The following SPG11 variants were observed in gnomAD, a reference collection of about 807,000 sequenced individuals.
The protein encoded by SPG11 is spatacsin.
A neutral mutation model predicts 274.0 loss-of-function variants in SPG11; 222 were observed. The ratio of observed to expected loss-of-function variants is 0.81; its 90% CI spans 0.73 to 0.91. SPG11 has a LOEUF of 0.91. Among genes scored for constraint, SPG11 ranks in the 40% least tolerant of loss-of-function variants. SPG11 has a pLI of 0.00. For synonymous variants in SPG11, 1,144 were observed against 1,039.7 expected (o/e 1.10, Z -1.93); for missense variants, 3,114 against 2,872.7 (o/e 1.08, Z -1.92).
At chr15:44,641,632 CAA>C (rs1555458677) in intron 7 of SPG11, among the ~76,000 whole-genome samples, 5 of 146,516 alleles carry the variant, frequency 3.4e-5, no homozygotes, top group Non-Finnish European at 7.5e-5. Flanking sequence ...CACACACACA[CAA>C]AACCTTAATC....
At chr15:44,620,156 T>C (rs760764699) in intron 15 of SPG11, 34 bp downstream of exon 15, 5 of 1,516,858 alleles carry the variant, frequency 3.3e-6, no homozygotes, top group Non-Finnish European at 4.6e-6. Flanking sequence ...CCTTGTATTC[T>C]TCCCATTGGG....
intron 32 of SPG11, among the ~76,000 whole-genome samples, 160 bp from the exon 33 acceptor site, chr15:44,572,980 C>CGTTTT (rs1256111244): frequency 1.2e-4 from 10 of 83,294 alleles, no homozygotes; most frequent in African/African-American, 5.1e-4. Flanking sequence ...GACAGGAGTT[C>CGTTTT]TTTTTTTTTT....
intron 18 of SPG11, among the ~76,000 whole-genome samples, chr15:44,609,890 A>T (rs1289903823): frequency 1.4e-5 from 2 of 144,522 alleles, no homozygotes; most frequent in Non-Finnish European, 3.0e-5. Context: ...CACCATGCCC[A>T]GCTAATTTTT....
chr15:44,636,925 C>CAAAAAAAAAAAAACAAAAAAAAAA (rs2084275682), intron 7 of SPG11, among the ~76,000 whole-genome samples: 4 of 19,454 alleles, frequency 2.1e-4, no homozygotes, highest in African/African-American at 3.1e-4. Context: ...GACTCCATCT[C>CAAAAAAAAAAAAACAAAAAAAAAA]AAAAAAAAAA....
intron 19 of SPG11, among the ~76,000 whole-genome samples, chr15:44,606,340 C>T (rs995873627): frequency 1.3e-5 from 2 of 152,106 alleles, no homozygotes; most frequent in Non-Finnish European, 2.9e-5. Flanking sequence ...ACTATGTCCG[C>T]AAAGGCTATA....
Position 44,570,686 on chromosome 15 carries a change from G to A in SPG11, c.6344-28C>T, listed in dbSNP as rs199934817. The stretch of plus-strand genomic sequence containing the variant: ...GGGAGGGTGGGCACTGGTAAGATAA[G>A]ATTATGAACCCTGGCTGCCCACTGT... On this transcript the variant is annotated intron_variant, in intron 33 of 39. Coordinates refer to ENST00000261866, the MANE Select transcript of SPG11 (RefSeq NM_025137.4). 9.3e-4 allele frequency: 1,501 copies of A among 1,610,984 alleles called. 5 individuals are homozygous for A. Among genetic ancestry groups the A allele is most frequent in the Admixed American group, 9.2e-3 (549 of 59,522 alleles).
intron 37 of SPG11, 95 bp from the exon 38 acceptor site, chr15:44,566,104 G>A: frequency 6.3e-7 from 1 of 1,590,948 alleles, no homozygotes; most frequent in Non-Finnish European, 8.6e-7. Context: ...TCTGTTCCTG[G>A]TTGGCCTATG....
At chr15:44,580,135 A>G (rs1032900778) in intron 30 of SPG11, among the ~76,000 whole-genome samples, 1 of 152,188 alleles carries the variant, frequency 6.6e-6, no homozygotes, top group African/African-American at 2.4e-5. Flanking sequence ...AAAAATCTTT[A>G]TATCATATTT....
At chr15:44,644,159 T>C (rs903262477) in intron 7 of SPG11, among the ~76,000 whole-genome samples, 1 of 136,864 alleles carries the variant, frequency 7.3e-6, no homozygotes, top group Admixed American at 7.6e-5. Flanking sequence ...AGAGCAAGAC[T>C]CCATCTCAAA....
At chr15:44,643,818 G>A (rs964038091) in intron 7 of SPG11, among the ~76,000 whole-genome samples, 1 of 152,048 alleles carries the variant, frequency 6.6e-6, no homozygotes, top group Non-Finnish European at 1.5e-5. Context: ...AAACCTGGCA[G>A]AGACGCAATG....
intron 26 of SPG11, among the ~76,000 whole-genome samples, chr15:44,594,129 TAA>T (rs975808518): frequency 3.3e-5 from 5 of 151,122 alleles, no homozygotes; most frequent in African/African-American, 1.2e-4. Flanking sequence ...AAATAATGTA[TAA>T]AAAGCACCCT....
rs765618841 is a variant in SPG11 at position 44,585,821 on chromosome 15, A to G, written c.4936T>C (p.Cys1646Arg). ...ATGGATGTATCCTTCAAAATCTGGC[A>G]AAGGATGCAAAGCTTTTTCACATCT... ...GPDVKKLCIL[C>R]QILKDTSIAI... The change falls in exon 29 of 40, where the codon TGC becomes CGC. Residue 1646 changes from cysteine (C) to arginine (R), a missense_variant. Cys to Arg is a radical substitution (Grantham distance 180). Transcript: ENST00000261866. 1 of 1,614,002 alleles carries G rather than the reference A, an allele frequency of 6.2e-7. No homozygotes were observed. Among genetic ancestry groups the G allele is most frequent in the East Asian group, 2.2e-5 (1 of 44,882 alleles).
chr15:44,594,401 G>T (rs1442482709), intron 26 of SPG11, among the ~76,000 whole-genome samples: 2 of 151,812 alleles, frequency 1.3e-5, no homozygotes, highest in Non-Finnish European at 2.9e-5. Flanking sequence ...ACTCCAGCCT[G>T]AGTGACAGAG....
At position 44,621,898 on chromosome 15, in the gene SPG11, C is replaced by A. The variant is rs148564309; in HGVS notation, c.2481G>T (p.Lys827Asn). The A allele has an allele frequency of 1.2e-6, 2 of 1,613,346 alleles. No homozygotes were observed. The highest frequency in any genetic ancestry group is 1.1e-5 in the South Asian group (1 of 91,020). ...WIKEQDFFKH[K>N]SVLDSFLKYD... ...ATTTCAGGAATGAGTCCAAAACAGA[C>A]TTGTGCTTGAAAAAATCTTGTTCCT... Residue 827 changes from lysine to asparagine, a missense_variant, in exon 14 of 40, where the codon AAG becomes AAT. Lys to Asn is a moderately conservative substitution (Grantham distance 94). Coordinates refer to ENST00000261866, the MANE Select transcript of SPG11 (RefSeq NM_025137.4).
At chr15:44,657,006 G>C in intron 4 of SPG11, 89 bp downstream of exon 4, 4 of 1,145,156 alleles carry the variant, frequency 3.5e-6, no homozygotes, top group Non-Finnish European at 5.0e-6. Flanking sequence ...AGAAACACTA[G>C]TTAAAAAAAA....
chr15:44,629,439 T>G, intron 8 of SPG11, 51 bp from the exon 9 acceptor site: 1 of 1,536,166 alleles, frequency 6.5e-7, no homozygotes, highest in South Asian at 1.1e-5. Context: ...ATACTCACAA[T>G]AAAATTAACA....
intron 7 of SPG11, among the ~76,000 whole-genome samples, chr15:44,647,597 G>C (rs1595921773): frequency 6.6e-6 from 1 of 152,170 alleles, no homozygotes; most frequent in African/African-American, 2.4e-5. Context: ...AAGGAATGAA[G>C]TTGTAGTGAC....
chr15:44,590,748 C>T (rs1026211250), intron 27 of SPG11: 3 of 152,082 alleles, frequency 2.0e-5, no homozygotes, highest in Admixed American at 6.6e-5. Context: ...ACTTAACTGC[C>T]GGGTTTCAAA....
intron 1 of SPG11, among the ~76,000 whole-genome samples, chr15:44,661,579 GT>G (rs1451413370): frequency 6.6e-6 from 1 of 151,642 alleles, no homozygotes; most frequent in African/African-American, 2.4e-5. Flanking sequence ...TACTATAGTA[GT>G]TTTATACTAT....
Sources: gnomAD v4.1 joint callset for allele counts (sites outside exome capture counted in the v4.1 genomes callset) on GRCh38, gnomAD v4.1.1 for gene constraint, MANE v1.5 for transcripts, NCBI Gene and HGNC (gene_info 2026-07-23, HGNC 2026-07-21) for gene names.